Variants in ROR1 observed in about 807,000 individuals in gnomAD.
ROR1 encodes the protein inactive tyrosine-protein kinase transmembrane receptor ROR1.
ROR1 carries 19 observed loss-of-function variants against 78.8 expected under a neutral mutation model. The ratio of observed to expected loss-of-function variants is 0.24; its 90% CI spans 0.17 to 0.35. The LOEUF is 0.35. Among genes scored for constraint, ROR1 ranks in the 10% least tolerant of loss-of-function variants. The probability of loss-of-function intolerance (pLI) is 1.00; values close to 1 mark genes in which losing one functional copy is unlikely to be tolerated. For synonymous variants in ROR1, 386 were observed against 433.6 expected (o/e 0.89, Z 1.36); for missense variants, 917 against 1,177.8 (o/e 0.78, Z 3.24).
chr1:63,956,353 G>C (rs1645982027), intron 1 of ROR1, among the ~76,000 whole-genome samples: 1 of 152,166 alleles, frequency 6.6e-6, no homozygotes, highest in African/African-American at 2.4e-5. Context: ...CAGCCCTCAG[G>C]AAGCTGAAGA....
In ROR1 at chr1:63,898,227, T is replaced by G. The variant is rs1645456173; in HGVS notation, c.92-111078T>G. The stretch of plus-strand genomic sequence containing the variant: ...GGTCTTTCATGACCTGTGAGCTCCT[T>G]GGGGTCAAAGGCTATATATTATTCA... On this transcript the variant is annotated intron_variant, in intron 1 of 8. Coordinates refer to ENST00000371079, the MANE Select transcript of ROR1 (RefSeq NM_005012.4). Among the ~76,000 whole-genome samples the G allele has an allele frequency of 2.0e-5, 3 of 152,202 alleles. No homozygotes were observed. The South Asian group carries it at 6.2e-4, about 32-fold the overall frequency.
At chr1:64,073,578 T>A (rs1178490194) in intron 4 of ROR1, among the ~76,000 whole-genome samples, 1 of 152,334 alleles carries the variant, frequency 6.6e-6, no homozygotes, top group Non-Finnish European at 1.5e-5. Context: ...TTTGAGTGCT[T>A]GGCTCTGTAA....
chr1:63,863,611 A>C (rs1645195831), intron 1 of ROR1, among the ~76,000 whole-genome samples: 1 of 152,220 alleles, frequency 6.6e-6, no homozygotes, highest in Non-Finnish European at 1.5e-5. Flanking sequence ...AATTCATTTC[A>C]CAAACTGAAA....
At chr1:63,779,390 G>A (rs1472719936) in intron 1 of ROR1, among the ~76,000 whole-genome samples, 2 of 152,116 alleles carry the variant, frequency 1.3e-5, no homozygotes, top group Non-Finnish European at 1.5e-5. Flanking sequence ...AAACACTCAC[G>A]TCTTCAAGGC....
intron 1 of ROR1, among the ~76,000 whole-genome samples, chr1:63,996,427 C>T (rs1646337341): frequency 6.6e-6 from 1 of 152,186 alleles, no homozygotes; most frequent in Admixed American, 6.5e-5. Flanking sequence ...ACAGGCGAAA[C>T]ATTTTAAACT....
chr1:64,120,958 A>G (rs1158906551), intron 4 of ROR1, among the ~76,000 whole-genome samples: 2 of 148,202 alleles, frequency 1.3e-5, no homozygotes, highest in African/African-American at 2.6e-5. Context: ...GCCTCAGTCT[A>G]TCTTATCCCT....
At chr1:64,110,113 A>G (rs1313284020) in intron 4 of ROR1, among the ~76,000 whole-genome samples, 2 of 152,200 alleles carry the variant, frequency 1.3e-5, no homozygotes, top group African/African-American at 4.8e-5. Context: ...TATGTACAAT[A>G]GGAACATAAC....
At chr1:64,069,254 T>C (rs1018103455) in intron 4 of ROR1, among the ~76,000 whole-genome samples, 12 of 152,234 alleles carry the variant, frequency 7.9e-5, no homozygotes, top group Non-Finnish European at 1.5e-4. Flanking sequence ...TTTAAAATTC[T>C]TTTTGCACAA....
chr1:64,100,536 A>T (rs1647486826), intron 4 of ROR1, among the ~76,000 whole-genome samples: 2 of 152,122 alleles, frequency 1.3e-5, no homozygotes, highest in South Asian at 4.1e-4. Flanking sequence ...CCCAAATGTT[A>T]ATAATTGATA....
intron 4 of ROR1, chr1:64,110,832 C>A (rs375690286): frequency 1.3e-5 from 2 of 151,986 alleles, no homozygotes; most frequent in East Asian, 3.9e-4. Context: ...CTGTTAGGAG[C>A]AGTGGAGTAA....
chr1:64,095,659 G>A (rs535961602), intron 4 of ROR1, among the ~76,000 whole-genome samples: 10 of 152,240 alleles, frequency 6.6e-5, no homozygotes, highest in African/African-American at 2.4e-4. Flanking sequence ...GCAGAATTAT[G>A]TATGTATATT....
chr1:63,946,948 G>T (rs575554369), intron 1 of ROR1, among the ~76,000 whole-genome samples: 89 of 152,276 alleles, frequency 5.8e-4, no homozygotes, highest in Middle Eastern at 3.4e-3. Flanking sequence ...ACCTTTCACA[G>T]TCAGGTTTGC....
At chr1:64,118,827 C>T (rs1648418380) in intron 4 of ROR1, among the ~76,000 whole-genome samples, 2 of 152,016 alleles carry the variant, frequency 1.3e-5, no homozygotes, top group Non-Finnish European at 2.9e-5. Flanking sequence ...CTTTCTCCTC[C>T]ATGTGACTCA....
At chr1:64,121,324 A>G (rs1371615140) in intron 4 of ROR1, among the ~76,000 whole-genome samples, 1 of 151,752 alleles carries the variant, frequency 6.6e-6, no homozygotes, top group Admixed American at 6.6e-5. Flanking sequence ...TCAGAAGGTA[A>G]ACACCTCCTT....
intron 2 of ROR1, among the ~76,000 whole-genome samples, chr1:64,041,171 A>G (rs1646742735): frequency 6.6e-6 from 1 of 152,148 alleles, no homozygotes. Context: ...TCTTCCTTAA[A>G]ATGGGGCTGG....
At chr1:64,099,079 T>C (rs1396709651) in intron 4 of ROR1, among the ~76,000 whole-genome samples, 1 of 152,166 alleles carries the variant, frequency 6.6e-6, no homozygotes, top group Admixed American at 6.5e-5. Context: ...GCAGGCCTTC[T>C]TCTGGGATTA....
chr1:64,129,312 A>G (rs1648830618), intron 4 of ROR1, among the ~76,000 whole-genome samples: 2 of 152,234 alleles, frequency 1.3e-5, no homozygotes, highest in Non-Finnish European at 2.9e-5. Context: ...TCCATGCCCA[A>G]AGGCATAAAA....
chr1:63,858,671 G>T (rs1645162684), intron 1 of ROR1, among the ~76,000 whole-genome samples: 2 of 152,104 alleles, frequency 1.3e-5, no homozygotes, highest in South Asian at 4.2e-4. Context: ...TTAGATGAGG[G>T]TATTTTCTTC....
At chr1:63,804,218 G>A (rs986095975) in intron 1 of ROR1, among the ~76,000 whole-genome samples, 2 of 152,024 alleles carry the variant, frequency 1.3e-5, no homozygotes, top group African/African-American at 2.4e-5. Context: ...TAATTGTAAT[G>A]GTGGTTACAT....
Sources: allele counts gnomAD v4.1 joint callset (sites outside exome capture counted in the v4.1 genomes callset), GRCh38; gene constraint gnomAD v4.1.1; transcripts MANE v1.5; gene names NCBI Gene and HGNC (gene_info 2026-07-23, HGNC 2026-07-21).